Variants in LAMA2 observed in about 807,000 individuals in gnomAD.
LAMA2 encodes the protein laminin subunit alpha 2.
A neutral mutation model predicts 364.8 loss-of-function variants in LAMA2; 269 were observed. The observed-to-expected ratio is 0.74, with a 90% CI of 0.67 to 0.82. The LOEUF is 0.82. Ranked by LOEUF, LAMA2 falls within the 40% of genes least tolerant of loss-of-function variation. The pLI is 0.00. For missense variants in LAMA2, 3,807 were observed against 3,873.2 expected (o/e 0.98, Z 0.45); for synonymous variants, 1,379 against 1,370.6 (o/e 1.01, Z -0.14).
chr6:129,326,305 C>G (rs11965687), intron 28 of LAMA2, among the ~76,000 whole-genome samples: 2 of 152,040 alleles, frequency 1.3e-5, no homozygotes, highest in African/African-American at 2.4e-5. Context: ...AGGGCTGGAC[C>G]GGACCACAGA....
At chr6:129,167,567 G>T (rs1371119242) in intron 9 of LAMA2, among the ~76,000 whole-genome samples, 12 of 151,982 alleles carry the variant, frequency 7.9e-5, no homozygotes, top group Non-Finnish European at 1.6e-4. Flanking sequence ...ATCATTGTTG[G>T]ACATTTGGGT....
At chr6:129,385,660 T>G (rs556511859) in intron 35 of LAMA2, among the ~76,000 whole-genome samples, 1 of 152,222 alleles carries the variant, frequency 6.6e-6, no homozygotes, top group Non-Finnish European at 1.5e-5. Flanking sequence ...TTATAATATC[T>G]ACCGTGCTAT....
intron 33 of LAMA2, 90 bp downstream of exon 33, chr6:129,366,451 C>A: frequency 7.1e-7 from 1 of 1,410,850 alleles, no homozygotes; most frequent in Non-Finnish European, 9.9e-7. Flanking sequence ...ATGTTCTTCC[C>A]ACAGCCCCAA....
chr6:129,294,503 C>A (rs188340631), intron 20 of LAMA2, among the ~76,000 whole-genome samples: 2 of 152,224 alleles, frequency 1.3e-5, no homozygotes, highest in African/African-American at 4.8e-5. Flanking sequence ...CTCTCTGAGG[C>A]CTCTTTTATA....
chr6:129,091,965 A>T (rs989843716), intron 3 of LAMA2, among the ~76,000 whole-genome samples: 5 of 152,210 alleles, frequency 3.3e-5, no homozygotes, highest in African/African-American at 1.2e-4. Context: ...TTTTTGTTAC[A>T]CAGTAAGAGC....
In LAMA2 at chr6:129,501,327, G is replaced by A. The variant is rs562555801; in HGVS notation, c.8245-1332G>A. ...ATAGCATTTTCCTGTCCTACCCACG[G>A]GGTTTTGCATAGCTGTGTGAATTTC... On this transcript the variant is annotated intron_variant, in intron 58 of 64. Transcript: ENST00000421865. Among the ~76,000 whole-genome samples, 6 of 152,254 alleles carry A rather than the reference G, an allele frequency of 3.9e-5. No homozygotes were observed. In the South Asian group the frequency reaches 1.0e-3, roughly 26 times the overall value.
chr6:129,209,902 G>A (rs1782972318), intron 12 of LAMA2, among the ~76,000 whole-genome samples: 1 of 151,018 alleles, frequency 6.6e-6, no homozygotes, highest in African/African-American at 2.4e-5. Context: ...TACTCGGGAG[G>A]CTGAGGCAGG....
chr6:129,313,891 A>G (rs1456873642), intron 23 of LAMA2, among the ~76,000 whole-genome samples: 1 of 152,180 alleles, frequency 6.6e-6, no homozygotes, highest in Admixed American at 6.5e-5. Flanking sequence ...GCATTCTTAT[A>G]TCTCGCAATT....
At position 129,321,711 on chromosome 6, in the gene LAMA2, AC is replaced by A. The variant is rs796813417; in HGVS notation, c.4176+1059del. On this transcript the variant is annotated intron_variant, in intron 28 of 64. Transcript: ENST00000421865. Reference sequence around the variant, plus strand: ...TTATTAATGTAATCACTAGTTATATACCCATGTATTGATTCAGTTATAAATA... The same window carrying A: ...TTATTAATGTAATCACTAGTTATATACCATGTATTGATTCAGTTATAAATA... Among the ~76,000 whole-genome samples, 6 of 152,328 alleles carry A rather than the reference AC, an allele frequency of 3.9e-5. No homozygotes were observed. In the South Asian group the frequency reaches 1.2e-3, roughly 32 times the overall value.
At chr6:129,251,068 CTCTCTCTCTATATATA>C (rs1356993829) in intron 13 of LAMA2, among the ~76,000 whole-genome samples, 63 of 68,528 alleles carry the variant, frequency 9.2e-4, no homozygotes, top group Admixed American at 2.5e-3. Flanking sequence ...CTCTCTCTCT[CTCTCTCTCTATATATA>C]TATATATATA....
chr6:129,137,683 T>C (rs1237180183), intron 4 of LAMA2, among the ~76,000 whole-genome samples: 1 of 152,120 alleles, frequency 6.6e-6, no homozygotes, highest in Non-Finnish European at 1.5e-5. Flanking sequence ...GCACAAATTG[T>C]AAATGTTTGA....
intron 58 of LAMA2, among the ~76,000 whole-genome samples, chr6:129,498,993 C>CA (rs1170713287): frequency 1.3e-5 from 2 of 152,144 alleles, no homozygotes; most frequent in African/African-American, 2.4e-5. Context: ...CTTCCCTAAA[C>CA]AAGGCTTTGG....
At chr6:129,086,357 T>A (rs1339370693) in intron 3 of LAMA2, among the ~76,000 whole-genome samples, 1 of 152,234 alleles carries the variant, frequency 6.6e-6, no homozygotes, top group Non-Finnish European at 1.5e-5. Context: ...GCATCTTTTA[T>A]ATACAAGACA....
At chr6:128,937,697 G>T (rs1385924857) in intron 1 of LAMA2, among the ~76,000 whole-genome samples, 1 of 150,596 alleles carries the variant, frequency 6.6e-6, no homozygotes, top group Non-Finnish European at 1.5e-5. Flanking sequence ...TCTTAGTTTG[G>T]CTGAAGGTTT....
At chr6:129,419,416 T>G (rs1780960646) in intron 40 of LAMA2, among the ~76,000 whole-genome samples, 1 of 152,136 alleles carries the variant, frequency 6.6e-6, no homozygotes, top group Non-Finnish European at 1.5e-5. Flanking sequence ...GAATGGTATC[T>G]AACTTAATAG....
intron 12 of LAMA2, among the ~76,000 whole-genome samples, chr6:129,241,128 G>A (rs914083580): frequency 5.9e-5 from 9 of 152,134 alleles, no homozygotes; most frequent in South Asian, 2.1e-4. Context: ...ATCTCATGGG[G>A]TAGTACAAAT....
At chr6:129,105,030 G>T (rs960746293) in intron 4 of LAMA2, among the ~76,000 whole-genome samples, 7 of 152,082 alleles carry the variant, frequency 4.6e-5, no homozygotes, top group African/African-American at 1.7e-4. Flanking sequence ...ATAGAAGGAG[G>T]CTTTGAGCAA....
chr6:129,012,297 AAT>A, intron 1 of LAMA2, among the ~76,000 whole-genome samples: 2 of 152,148 alleles, frequency 1.3e-5, no homozygotes, highest in East Asian at 1.9e-4. Flanking sequence ...CACTGTTATT[AAT>A]AGTTATTTTT....
chr6:128,908,277 G>T (rs1268755473), intron 1 of LAMA2, among the ~76,000 whole-genome samples: 1 of 151,700 alleles, frequency 6.6e-6, no homozygotes, highest in Non-Finnish European at 1.5e-5. Flanking sequence ...GACTCTTTTT[G>T]GTTGGTAAGC....
Sources: allele counts gnomAD v4.1 joint callset (sites outside exome capture counted in the v4.1 genomes callset), GRCh38; gene constraint gnomAD v4.1.1; transcripts MANE v1.5; gene names NCBI Gene and HGNC (gene_info 2026-07-23, HGNC 2026-07-21).